Variants in SLC9A1 observed in about 807,000 individuals in gnomAD.
The protein encoded by SLC9A1 is solute carrier family 9 member A1.
Under a neutral mutation model 67.9 loss-of-function variants are expected in SLC9A1, and 22 were observed. The observed-to-expected ratio is 0.32, with a 90% CI of 0.23 to 0.46. The LOEUF is 0.46. Among genes scored for constraint, SLC9A1 ranks in the 20% least tolerant of loss-of-function variants. SLC9A1 has a pLI of 1.00. For synonymous variants in SLC9A1, 421 were observed against 471.8 expected, an observed-to-expected ratio of 0.89 and a Z score of 1.40; for missense variants, 686 against 1,094.8, an observed-to-expected ratio of 0.63 and a Z score of 5.27.
rs55970751 is a variant in SLC9A1, at chr1:27,143,046, T to TAAA, written c.352+10934_352+10936dup. ...GCTTACACACTGACAATCAACTGTG[T>TAAA]AAAAAAAAAAAAAAAAAAAAAAAAT... On this transcript the variant is annotated intron_variant, in intron 1 of 11. Coordinates refer to ENST00000263980, the MANE Select transcript of SLC9A1 (RefSeq NM_003047.5). Among the ~76,000 whole-genome samples the TAAA allele has an allele frequency of 6.5e-3, 640 of 98,398 alleles. 11 individuals are homozygous for TAAA. The highest frequency in any genetic ancestry group is 0.023 in the African/African-American group (580 of 24,732). 64.6% of individuals were successfully genotyped at this position (98,398 alleles called of 152,430 possible). A position where few individuals can be genotyped will look rare whatever the true frequency, so the allele number is the denominator to read the frequency against.
At chr1:27,131,141 C>A (rs1342333311) in intron 1 of SLC9A1, among the ~76,000 whole-genome samples, 1 of 152,190 alleles carries the variant, frequency 6.6e-6, no homozygotes, top group Non-Finnish European at 1.5e-5. Context: ...ATGCCTGGGG[C>A]AGCCAGAACT....
chr1:27,114,408 G>A lies in SLC9A1; in HGVS notation c.353-122C>T. On this transcript the variant is annotated intron_variant, in intron 1 of 11. Coordinates refer to ENST00000263980, the MANE Select transcript of SLC9A1 (RefSeq NM_003047.5). This position sits in a 1 kb window ranked among gnomAD's most constrained non-coding sequence, Gnocchi z 5.4. ...AGAGGTGCACAGGCTGGGTCTCAGAGGGCTGCTCTGTTAACTCTCTGAGCC... is the reference window on the plus strand; with the variant it reads ...AGAGGTGCACAGGCTGGGTCTCAGAAGGCTGCTCTGTTAACTCTCTGAGCC... 1 of 706,614 alleles carries A rather than the reference G, an allele frequency of 1.4e-6. No homozygotes were observed. Among genetic ancestry groups the A allele is most frequent in the Non-Finnish European group, 2.4e-6 (1 of 419,268 alleles). 43.8% of individuals were successfully genotyped at this position (706,614 alleles called of 1,614,324 possible).
At position 27,143,284 on chromosome 1, in the gene SLC9A1, C is replaced by T. The variant is rs151305576; in HGVS notation, c.352+10699G>A. 3.2e-3 allele frequency among the ~76,000 whole-genome samples: 491 copies of T among 152,230 alleles called. 1 individual carries two copies. The highest frequency in any genetic ancestry group is 0.011 in the African/African-American group (451 of 41,528). On this transcript the variant is annotated intron_variant, in intron 1 of 11. Coordinates refer to ENST00000263980, the MANE Select transcript of SLC9A1 (RefSeq NM_003047.5). ...TGATGTTCCTCTTCTACCCCTGGCC[C>T]ACCTCTCAAGGCCGCCTCCTTCAAG... is the stretch of plus-strand genomic sequence containing the variant.
chr1:27,102,372 C>T lies in SLC9A1; in HGVS notation c.1820+13G>A, dbSNP rs570540133. On this transcript the variant is annotated intron_variant, in intron 8 of 11. Coordinates refer to ENST00000263980, the MANE Select transcript of SLC9A1 (RefSeq NM_003047.5). Reference sequence around the variant, plus strand: ...TGTGGGAGCAGAAGCTGCCTGGTTGCCCCAGCACTCACTGCATGGAGACGG... The same window carrying T: ...TGTGGGAGCAGAAGCTGCCTGGTTGTCCCAGCACTCACTGCATGGAGACGG... 124 of 1,577,992 alleles carry T rather than the reference C, an allele frequency of 7.9e-5. No individual in the cohort carries two copies. The highest frequency in any genetic ancestry group is 4.9e-4 in the South Asian group (43 of 87,188).
chr1:27,105,843 A>C (rs369300134), intron 5 of SLC9A1, 42 bp downstream of exon 5: 73 of 1,517,224 alleles, frequency 4.8e-5, no homozygotes, highest in Non-Finnish European at 6.3e-5. Context: ...ACAGCCTGTG[A>C]GGGTCCCCAA....
chr1:27,106,941 C>T lies in SLC9A1; in HGVS notation c.1282+707G>A, dbSNP rs1391681407. 6.6e-6 allele frequency among the ~76,000 whole-genome samples: 1 copy of T among 151,826 alleles called. No individual in the cohort carries two copies. The highest frequency in any genetic ancestry group is 2.4e-5 in the African/African-American group (1 of 41,252). On this transcript the variant is annotated intron_variant, in intron 4 of 11. Transcript: ENST00000263980. This position sits in a 1 kb window ranked among gnomAD's most constrained non-coding sequence, Gnocchi z 4.3. ...CACTTTGACACAGCCTGACTCTGTC[C>T]CCAGAGACCACAGCCTTGCTGTGAC...
intron 1 of SLC9A1, among the ~76,000 whole-genome samples, chr1:27,117,457 C>T (rs990287301): frequency 1.7e-4 from 26 of 152,198 alleles, no homozygotes; most frequent in Non-Finnish European, 2.8e-4. Context: ...AAAAATGCCT[C>T]CTACCCTCAC....
intron 1 of SLC9A1, among the ~76,000 whole-genome samples, chr1:27,135,296 TC>T (rs1421507131): frequency 5.3e-5 from 8 of 151,890 alleles, no homozygotes; most frequent in Non-Finnish European, 1.0e-4. Flanking sequence ...CAAATGATGC[TC>T]CCACCTTGGT....
intron 1 of SLC9A1, among the ~76,000 whole-genome samples, chr1:27,133,560 T>C (rs1372212941): frequency 6.6e-6 from 1 of 151,676 alleles, no homozygotes; most frequent in African/African-American, 2.4e-5. Flanking sequence ...GGGATGGGAG[T>C]GAGCCTGGTG....
intron 1 of SLC9A1, among the ~76,000 whole-genome samples, chr1:27,132,901 C>T (rs1276103236): frequency 1.3e-5 from 2 of 152,202 alleles, no homozygotes; most frequent in African/African-American, 4.8e-5. Context: ...GCCATTTCCA[C>T]TGCCTGGTAC....
In SLC9A1 at chr1:27,113,954, G is replaced by C; in HGVS notation, c.685C>G (p.Leu229Val). ...ACGGCCGAGATGATGCTGCCGAAGA[G>C]CAGGTTGTCCAGGAGGCCGATGTTG... is the stretch of plus-strand genomic sequence containing the variant. ...INNIGLLDNL[L>V]FGSIISAVDP... The change falls in exon 2 of 12, where the codon CTC (leucine) becomes GTC (valine). Residue 229 changes from leucine to valine, a missense_variant. Around this residue, in one of 7 missense-constraint regions of SLC9A1, gnomAD observed 49 missense variants for 73.1 expected, o/e 0.67. Coordinates refer to ENST00000263980, the MANE Select transcript of SLC9A1 (RefSeq NM_003047.5). The C allele has an allele frequency of 6.2e-7, 1 of 1,614,224 alleles. No homozygotes were observed. Among genetic ancestry groups the C allele is most frequent in the Non-Finnish European group, 8.5e-7 (1 of 1,180,032 alleles).
At chr1:27,128,183 G>A (rs2083358574) in intron 1 of SLC9A1, among the ~76,000 whole-genome samples, 1 of 152,200 alleles carries the variant, frequency 6.6e-6, no homozygotes, top group Non-Finnish European at 1.5e-5. Flanking sequence ...CAATGAGGGA[G>A]GTAGTTTCTG....
chr1:27,111,886 C>T (rs1336701020), intron 2 of SLC9A1, among the ~76,000 whole-genome samples: 1 of 152,182 alleles, frequency 6.6e-6, no homozygotes. Flanking sequence ...ATCACTACCA[C>T]CGCTGCCACT....
intron 1 of SLC9A1, among the ~76,000 whole-genome samples, chr1:27,146,766 C>T (rs945542024): frequency 2.6e-5 from 4 of 152,012 alleles, no homozygotes; most frequent in East Asian, 1.9e-4. Flanking sequence ...GGAGACAGAG[C>T]GAAATCCTGT....
At chr1:27,108,674 A>T (rs1004816269) in intron 3 of SLC9A1, among the ~76,000 whole-genome samples, 19 of 152,000 alleles carry the variant, frequency 1.3e-4, no homozygotes, top group African/African-American at 4.4e-4. Context: ...CGTCTCAAAT[A>T]AAAAAATGAG....
Position 27,100,445 on chromosome 1 carries a change from C to G in SLC9A1, c.2310G>C (p.Ser770=). The G allele has an allele frequency of 1.2e-6, 2 of 1,613,678 alleles. No individual in the cohort carries two copies. Among genetic ancestry groups the G allele is most frequent in the Non-Finnish European group, 1.7e-6 (2 of 1,179,710 alleles). The part of the protein sequence containing the change: ...GGIMMRSKET[S]SPGTDDVFTP... Reference sequence around the variant, plus strand: ...TGAAGACATCGTCGGTTCCTGGGGACGAAGTCTCCTTGCTCCGCATCATGA... The same window carrying G: ...TGAAGACATCGTCGGTTCCTGGGGAGGAAGTCTCCTTGCTCCGCATCATGA... Residue 770 remains serine, a synonymous_variant, in exon 12 of 12, where the codon TCG becomes TCC. Transcript: ENST00000263980. This position sits in a 1 kb window ranked among gnomAD's most constrained non-coding sequence, Gnocchi z 5.6.
At chr1:27,120,218 C>T (rs1434916532) in intron 1 of SLC9A1, among the ~76,000 whole-genome samples, 1 of 151,894 alleles carries the variant, frequency 6.6e-6, no homozygotes, top group African/African-American at 2.4e-5. Flanking sequence ...GTCTGCCTCC[C>T]GGGTTCAAGT....
At chr1:27,112,849 A>G (rs944125891) in intron 2 of SLC9A1, among the ~76,000 whole-genome samples, 5 of 139,794 alleles carry the variant, frequency 3.6e-5, no homozygotes, top group African/African-American at 1.4e-4. Context: ...GCGTCACTGC[A>G]CTCCTGTCTG....
chr1:27,136,995 T>C (rs1445797701), intron 1 of SLC9A1, among the ~76,000 whole-genome samples: 1 of 152,256 alleles, frequency 6.6e-6, no homozygotes, highest in African/African-American at 2.4e-5. Flanking sequence ...TTGGGCCTCG[T>C]TGCCATTCCA....
Sources: allele counts gnomAD v4.1 joint callset (sites outside exome capture counted in the v4.1 genomes callset), GRCh38; gene constraint gnomAD v4.1.1; regional missense constraint gnomAD v4.1.1; non-coding constraint Gnocchi (gnomAD v3.1); transcripts MANE v1.5; gene names NCBI Gene and HGNC (gene_info 2026-07-23, HGNC 2026-07-21).